Variants in PARD3 observed in about 807,000 individuals in gnomAD.
The protein encoded by PARD3 is partitioning defective 3 homolog.
PARD3 carries 75 observed loss-of-function variants against 155.4 expected under a neutral mutation model. That is an observed-to-expected ratio of 0.48 (90% CI 0.40 to 0.58). PARD3 has a LOEUF of 0.58. PARD3 is among the 20% of genes least tolerant of loss of function. The pLI is 0.00. For missense variants in PARD3, 1,642 were observed against 1,721.7 expected, an observed-to-expected ratio of 0.95 and a Z score of 0.82; for synonymous variants, 576 against 610.5, an observed-to-expected ratio of 0.94 and a Z score of 0.83.
intron 2 of PARD3, among the ~76,000 whole-genome samples, chr10:34,524,345 T>C (rs2082338814): frequency 1.3e-5 from 2 of 152,182 alleles, no homozygotes; most frequent in African/African-American, 4.8e-5. Context: ...TCTTGAACAC[T>C]CATGCCTAAT....
Position 34,499,474 on chromosome 10 carries a change from G to T in PARD3, c.403+17505C>A, listed in dbSNP as rs535397347. Among the ~76,000 whole-genome samples the T allele has an allele frequency of 3.3e-5, 5 of 151,988 alleles. No individual in the cohort carries two copies. The South Asian group carries it at 1.0e-3, about 32-fold the overall frequency. ...GGTTTCCATATAAAATTACAACCTTGGAGAATGTATACAAATTGAAACAGA... is the reference window on the plus strand; with the variant it reads ...GGTTTCCATATAAAATTACAACCTTTGAGAATGTATACAAATTGAAACAGA... On this transcript the variant is annotated intron_variant, in intron 3 of 24. Transcript: ENST00000374788.
intron 1 of PARD3, among the ~76,000 whole-genome samples, chr10:34,746,624 A>C (rs764675248): frequency 1.7e-4 from 26 of 152,146 alleles, no homozygotes; most frequent in Non-Finnish European, 3.1e-4. Context: ...ATCTGTAATG[A>C]AAATTGTCAA....
At chr10:34,684,249 CCT>C (rs2093900891) in intron 2 of PARD3, among the ~76,000 whole-genome samples, 1 of 152,182 alleles carries the variant, frequency 6.6e-6, no homozygotes, top group Non-Finnish European at 1.5e-5. Context: ...CACACACTGT[CCT>C]CAGAGATGAC....
intron 1 of PARD3, among the ~76,000 whole-genome samples, chr10:34,703,617 A>G (rs897464930): frequency 6.6e-6 from 1 of 152,208 alleles, no homozygotes. Flanking sequence ...CCAAAATGAC[A>G]TATGTTTCCA....
intron 7 of PARD3, among the ~76,000 whole-genome samples, chr10:34,384,467 T>G (rs1842149108): frequency 6.6e-6 from 1 of 152,218 alleles, no homozygotes; most frequent in Admixed American, 6.5e-5. Context: ...AAAAATCAGT[T>G]TCTGGCTGGT....
At chr10:34,298,307 T>A (rs1420541073) in intron 20 of PARD3, among the ~76,000 whole-genome samples, 1 of 152,184 alleles carries the variant, frequency 6.6e-6, no homozygotes, top group Non-Finnish European at 1.5e-5. Context: ...GAAACACATG[T>A]TAAGACACTC....
chr10:34,764,691 T>C (rs554467977), intron 1 of PARD3, among the ~76,000 whole-genome samples: 66 of 149,774 alleles, frequency 4.4e-4, no homozygotes, highest in African/African-American at 1.6e-3. Flanking sequence ...GTGTTAAGGG[T>C]AGTGTGCTAA....
At chr10:34,785,503 T>C (rs940010930) in intron 1 of PARD3, among the ~76,000 whole-genome samples, 3 of 152,062 alleles carry the variant, frequency 2.0e-5, no homozygotes, top group African/African-American at 7.2e-5. Context: ...CCCAGCACTT[T>C]GGGAGGCTGA....
At chr10:34,218,046 C>T (rs1256258238) in intron 22 of PARD3, among the ~76,000 whole-genome samples, 1 of 152,104 alleles carries the variant, frequency 6.6e-6, no homozygotes, top group African/African-American at 2.4e-5. Flanking sequence ...CCACAGGCAC[C>T]TCCTGCACGC....
intron 4 of PARD3, among the ~76,000 whole-genome samples, chr10:34,464,790 T>C (rs1012616434): frequency 1.3e-5 from 2 of 152,168 alleles, no homozygotes; most frequent in Non-Finnish European, 2.9e-5. Flanking sequence ...ACTTGGATGG[T>C]TCCCCCTGGT....
chr10:34,397,689 A>T (rs1843468544), intron 7 of PARD3, among the ~76,000 whole-genome samples: 1 of 152,182 alleles, frequency 6.6e-6, no homozygotes, highest in African/African-American at 2.4e-5. Context: ...CTTTACCCTA[A>T]TATCCTTTCA....
At position 34,382,663 on chromosome 10, in the gene PARD3, G is replaced by A; in HGVS notation, c.1276C>T (p.His426Tyr). 1 of 1,614,168 alleles carries A rather than the reference G, an allele frequency of 6.2e-7. No individual in the cohort carries two copies. The highest frequency in any genetic ancestry group is 8.5e-7 in the Non-Finnish European group (1 of 1,180,038). The change falls in exon 9 of 25, where the codon CAC (histidine) becomes TAC (tyrosine). Residue 426 changes from histidine to tyrosine, a missense_variant. Physicochemically the swap from His to Tyr is moderately conservative, Grantham distance 83. Transcript: ENST00000374788. ...DSHSRLPHSA[H>Y]PSGKPPSAPA... ...GCGGATGGTGGTTTTCCCGAGGGGTGTGCGCTATGAGGTAGTCTTGAGTGA... is the reference window on the plus strand; with the variant it reads ...GCGGATGGTGGTTTTCCCGAGGGGTATGCGCTATGAGGTAGTCTTGAGTGA...
intron 5 of PARD3, among the ~76,000 whole-genome samples, chr10:34,417,247 G>A (rs549165905): frequency 1.3e-4 from 20 of 152,202 alleles, no homozygotes; most frequent in African/African-American, 3.9e-4. Flanking sequence ...CTGTGGTCTC[G>A]GCGGACTGAT....
chr10:34,131,656 A>G, intron 22 of PARD3, 73 bp from the exon 23 acceptor site: 15 of 1,334,504 alleles, frequency 1.1e-5, no homozygotes, highest in Middle Eastern at 1.8e-4. Flanking sequence ...CTAGCAAAAC[A>G]TGGCAACTTG....
At chr10:34,575,743 A>G (rs1047777975) in intron 2 of PARD3, among the ~76,000 whole-genome samples, 1 of 152,000 alleles carries the variant, frequency 6.6e-6, no homozygotes, top group African/African-American at 2.4e-5. Flanking sequence ...TAAAAATACA[A>G]AAGTTAGCTG....
intron 18 of PARD3, among the ~76,000 whole-genome samples, chr10:34,335,763 A>G (rs1391015583): frequency 6.6e-6 from 1 of 152,056 alleles, no homozygotes; most frequent in African/African-American, 2.4e-5. Flanking sequence ...TCCTACAATG[A>G]AAAACATTTA....
chr10:34,789,359 C>G (rs4934655), intron 1 of PARD3, among the ~76,000 whole-genome samples: 118,930 of 152,168 alleles, frequency 0.78, 47,654 homozygotes, highest in African/African-American at 0.95. Context: ...AGTAAAGTAA[C>G]TAGGAACAAC....
At chr10:34,136,184 A>T (rs1172762797) in intron 22 of PARD3, among the ~76,000 whole-genome samples, 1 of 152,210 alleles carries the variant, frequency 6.6e-6, no homozygotes, top group Admixed American at 6.5e-5. Context: ...GTGGTGCTCT[A>T]GTAACAGTCC....
chr10:34,307,405 G>A (rs1406864758), intron 20 of PARD3, among the ~76,000 whole-genome samples: 2 of 152,102 alleles, frequency 1.3e-5, no homozygotes, highest in East Asian at 3.9e-4. Context: ...GGCAAACTCT[G>A]GGAGCAGGGT....
Sources: allele counts gnomAD v4.1 joint callset (sites outside exome capture counted in the v4.1 genomes callset), GRCh38; gene constraint gnomAD v4.1.1; transcripts MANE v1.5; gene names NCBI Gene and HGNC (gene_info 2026-07-23, HGNC 2026-07-21).